The following EXOC4 variants were observed in gnomAD, a reference collection of about 807,000 sequenced individuals.
EXOC4 encodes the protein SEC8-like 1.
EXOC4 carries 71 observed loss-of-function variants against 107.2 expected under a neutral mutation model. The observed-to-expected ratio is 0.66, with a 90% CI of 0.55 to 0.81. The LOEUF is 0.81. EXOC4 is among the 30% of genes least tolerant of loss of function. The probability of loss-of-function intolerance (pLI) is 0.00; values close to 1 mark genes in which losing one functional copy is unlikely to be tolerated. For synonymous variants in EXOC4, 456 were observed against 441.2 expected (o/e 1.03, Z -0.42); for missense variants, 1,108 against 1,189.6 (o/e 0.93, Z 1.01).
At chr7:133,980,390 G>A (rs1793951218) in intron 14 of EXOC4, among the ~76,000 whole-genome samples, 2 of 152,222 alleles carry the variant, frequency 1.3e-5, no homozygotes, top group South Asian at 4.1e-4. Context: ...GCCGAAGGTT[G>A]TTCTAAATGC....
chr7:133,593,812 T>C (rs1350745257), intron 9 of EXOC4, among the ~76,000 whole-genome samples: 1 of 152,212 alleles, frequency 6.6e-6, no homozygotes, highest in Non-Finnish European at 1.5e-5. Context: ...TTAAGAATAA[T>C]ATGCAAAATT....
At chr7:133,613,372 G>A (rs756518685) in intron 9 of EXOC4, among the ~76,000 whole-genome samples, 23 of 152,142 alleles carry the variant, frequency 1.5e-4, no homozygotes, top group African/African-American at 9.7e-5. Flanking sequence ...GAGCTCAAGC[G>A]TTGCGAGTGT....
At chr7:133,704,731 G>A (rs1303514337) in intron 10 of EXOC4, among the ~76,000 whole-genome samples, 1 of 152,142 alleles carries the variant, frequency 6.6e-6, no homozygotes, top group Non-Finnish European at 1.5e-5. Context: ...TCTGTCCTGG[G>A]AGGGTAATTT....
intron 10 of EXOC4, 127 bp downstream of exon 10, chr7:133,630,268 G>A (rs1279636777): frequency 3.0e-6 from 2 of 667,936 alleles, no homozygotes; most frequent in East Asian, 2.7e-5. Context: ...CATTTTTAGG[G>A]CCTCACTATT....
At chr7:134,048,617 T>G (rs920262677) in intron 17 of EXOC4, among the ~76,000 whole-genome samples, 4 of 152,176 alleles carry the variant, frequency 2.6e-5, no homozygotes, top group Admixed American at 2.0e-4. Flanking sequence ...GTCCTCTTAT[T>G]TCTTATGTTC....
intron 10 of EXOC4, among the ~76,000 whole-genome samples, chr7:133,667,794 A>T (rs926109273): frequency 4.6e-5 from 7 of 152,204 alleles, no homozygotes; most frequent in Admixed American, 4.6e-4. Context: ...TTGGAACTTT[A>T]AATTGTTCCA....
At chr7:133,254,841 T>C (rs1794978614) in intron 1 of EXOC4, among the ~76,000 whole-genome samples, 1 of 152,232 alleles carries the variant, frequency 6.6e-6, no homozygotes, top group African/African-American at 2.4e-5. Context: ...CTGTGTACTT[T>C]TGATTCTCCA....
intron 16 of EXOC4, among the ~76,000 whole-genome samples, chr7:134,007,006 G>A (rs184211291): frequency 2.0e-5 from 3 of 152,272 alleles, no homozygotes; most frequent in Non-Finnish European, 4.4e-5. Flanking sequence ...AATGTCCACA[G>A]GTGTCTCACG....
intron 10 of EXOC4, among the ~76,000 whole-genome samples, chr7:133,728,222 G>A (rs970152782): frequency 3.0e-4 from 45 of 152,328 alleles, no homozygotes; most frequent in African/African-American, 1.1e-3. Context: ...AGTTCCATGG[G>A]AAGCTAAACC....
chr7:133,621,373 A>G (rs1802325808), intron 9 of EXOC4, among the ~76,000 whole-genome samples: 1 of 147,746 alleles, frequency 6.8e-6, no homozygotes, highest in Non-Finnish European at 1.5e-5. Context: ...TTGTTGAACT[A>G]CAAAAAAAAA....
chr7:133,920,138 G>C (rs1229318678), intron 13 of EXOC4, among the ~76,000 whole-genome samples: 2 of 152,160 alleles, frequency 1.3e-5, no homozygotes, highest in African/African-American at 4.8e-5. Context: ...AATGACATGT[G>C]ATGTTGAACA....
At chr7:133,903,112 G>T (rs550776215) in intron 12 of EXOC4, among the ~76,000 whole-genome samples, 1 of 152,156 alleles carries the variant, frequency 6.6e-6, no homozygotes, top group African/African-American at 2.4e-5. Context: ...CACTTTTAAG[G>T]AACAGCAAGG....
At chr7:133,904,145 A>G (rs1339150943) in intron 12 of EXOC4, among the ~76,000 whole-genome samples, 1 of 152,170 alleles carries the variant, frequency 6.6e-6, no homozygotes, top group African/African-American at 2.4e-5. Context: ...AGGTCACAGG[A>G]AGGTTTTTTT....
chr7:133,875,516 C>T (rs1195546866), intron 11 of EXOC4, among the ~76,000 whole-genome samples: 3 of 152,042 alleles, frequency 2.0e-5, no homozygotes, highest in Non-Finnish European at 1.5e-5. Flanking sequence ...CTAAAACTGC[C>T]CACGAACTGT....
chr7:133,898,205 A>G (rs909019151), intron 12 of EXOC4, among the ~76,000 whole-genome samples: 3 of 152,122 alleles, frequency 2.0e-5, no homozygotes, highest in Non-Finnish European at 4.4e-5. Context: ...TATCTGTTGC[A>G]TCTATTTAAA....
chr7:134,098,300 A>G, the EXOC4 span, among the ~76,000 whole-genome samples: 2 of 152,186 alleles, frequency 1.3e-5, no homozygotes, highest in Non-Finnish European at 2.9e-5. Flanking sequence ...GACATCAGAA[A>G]GGTCCTTACC....
chr7:134,044,303 G>A (rs2116544276), intron 17 of EXOC4, among the ~76,000 whole-genome samples: 1 of 152,308 alleles, frequency 6.6e-6, no homozygotes, highest in African/African-American at 2.4e-5. Flanking sequence ...AGCACATGTG[G>A]AAGGTCATGA....
chr7:133,804,126 T>C (rs1797014390), intron 10 of EXOC4, among the ~76,000 whole-genome samples: 1 of 152,182 alleles, frequency 6.6e-6, no homozygotes, highest in Non-Finnish European at 1.5e-5. Flanking sequence ...TTGAGAACTT[T>C]GAACCACTGT....
At chr7:133,666,808 A>G (rs1793824548) in intron 10 of EXOC4, among the ~76,000 whole-genome samples, 1 of 152,208 alleles carries the variant, frequency 6.6e-6, no homozygotes, top group Admixed American at 6.5e-5. Flanking sequence ...AGTAGTATAC[A>G]ATCAAGATCC....
Sources: gnomAD v4.1 joint callset for allele counts (sites outside exome capture counted in the v4.1 genomes callset) on GRCh38, gnomAD v4.1.1 for gene constraint, MANE v1.5 for transcripts, NCBI Gene and HGNC (gene_info 2026-07-23, HGNC 2026-07-21) for gene names.